Variants in MTBP observed in about 807,000 individuals in gnomAD.
MTBP encodes the protein mdm2-binding protein.
MTBP carries 101 observed loss-of-function variants against 117.0 expected under a neutral mutation model. The observed-to-expected ratio is 0.86, with a 90% CI of 0.73 to 1.02. MTBP has a LOEUF of 1.02. Among genes scored for constraint, MTBP ranks in the 50% least tolerant of loss-of-function variants. MTBP has a pLI of 0.00. For synonymous variants in MTBP, 350 were observed against 351.5 expected (o/e 1.00, Z 0.05); for missense variants, 970 against 1,030.9 (o/e 0.94, Z 0.81).
At chr8:120,482,866 A>AT (rs1476114741) in intron 11 of MTBP, among the ~76,000 whole-genome samples, 3 of 151,576 alleles carry the variant, frequency 2.0e-5, no homozygotes, top group Non-Finnish European at 4.4e-5. Context: ...CGCCCAGCTA[A>AT]TTTTTTGTAT....
At chr8:120,498,617 C>T (rs894732313) in intron 14 of MTBP, among the ~76,000 whole-genome samples, 1 of 152,142 alleles carries the variant, frequency 6.6e-6, no homozygotes, top group Non-Finnish European at 1.5e-5. Flanking sequence ...ATTGCTTAGG[C>T]AGTTGCCTAG....
chr8:120,487,553 T>C (rs529937798), intron 11 of MTBP, among the ~76,000 whole-genome samples: 4 of 152,240 alleles, frequency 2.6e-5, no homozygotes, highest in Non-Finnish European at 5.9e-5. Flanking sequence ...AGAAAGATTC[T>C]ACTTCTATTT....
chr8:120,503,081 A>T (rs2130603006), intron 15 of MTBP, among the ~76,000 whole-genome samples: 1 of 152,352 alleles, frequency 6.6e-6, no homozygotes, highest in East Asian at 1.9e-4. Flanking sequence ...AGTACATAGT[A>T]GGCCCTTAGT....
At position 120,497,570 on chromosome 8, in the gene MTBP, C is replaced by A; in HGVS notation, c.1609+16C>A. 1 of 1,352,654 alleles carries A rather than the reference C, an allele frequency of 7.4e-7. No homozygotes were observed. Among genetic ancestry groups the A allele is most frequent in the Non-Finnish European group, 9.9e-7 (1 of 1,005,110 alleles). The allele number at this position is 1,352,654 out of a possible 1,614,324, so 83.8% of individuals were successfully genotyped here. On this transcript the variant is annotated intron_variant, in intron 14 of 21. Coordinates refer to ENST00000305949, the MANE Select transcript of MTBP (RefSeq NM_022045.5). ...ATATTAAATGGTAAGTTTTTTATTA[C>A]TTTAAATTTTAGTTCGTGTGTGTGT...
At chr8:120,489,181 G>A (rs369513027) in intron 12 of MTBP, among the ~76,000 whole-genome samples, 1 of 151,888 alleles carries the variant, frequency 6.6e-6, no homozygotes, top group East Asian at 1.9e-4. Flanking sequence ...TGGGACTACA[G>A]GTGTGCACCA....
In MTBP at chr8:120,488,173, G is replaced by A; in HGVS notation, c.1180G>A (p.Val394Met). The change falls in exon 12 of 22, where the codon GTG (valine) becomes ATG (methionine). Residue 394 changes from valine to methionine, a missense_variant. By Grantham distance (21) the Val-to-Met change is conservative (BLOSUM62 1). Transcript: ENST00000305949. ...PKTISVPDVEVKGECSSYYLL... is the reference protein window; with the variant it reads ...PKTISVPDVEMKGECSSYYLL... The stretch of plus-strand genomic sequence containing the variant: ...TTTTTGTTTAGTTCCAGATGTTGAA[G>A]TGAAAGGAGAGTGTTCTAGCTATTA... 2 of 1,582,814 alleles carry A rather than the reference G, an allele frequency of 1.3e-6. No individual in the cohort carries two copies. Among genetic ancestry groups the A allele is most frequent in the African/African-American group, 1.4e-5 (1 of 73,180 alleles).
chr8:120,503,741 CTAAG>C (rs1419764001), intron 15 of MTBP, among the ~76,000 whole-genome samples: 5 of 151,988 alleles, frequency 3.3e-5, no homozygotes, highest in African/African-American at 4.8e-5. Context: ...TATCTGTAGG[CTAAG>C]TGAGAGATGA....
chr8:120,483,955 AT>A (rs1234763161), intron 11 of MTBP, among the ~76,000 whole-genome samples: 1 of 152,170 alleles, frequency 6.6e-6, no homozygotes, highest in Non-Finnish European at 1.5e-5. Context: ...CATAAAAGTT[AT>A]TTAATAAGTC....
At chr8:120,446,558 T>A (rs1214406604) in intron 2 of MTBP, 45 bp downstream of exon 2, 2 of 1,161,586 alleles carry the variant, frequency 1.7e-6, no homozygotes, top group African/African-American at 1.5e-5. Flanking sequence ...GCATTTGTAC[T>A]GGAAATTAAC....
intron 11 of MTBP, among the ~76,000 whole-genome samples, chr8:120,487,295 C>T (rs923135090): frequency 1.3e-4 from 20 of 152,100 alleles, no homozygotes; most frequent in African/African-American, 4.1e-4. Context: ...CTTGAGGACG[C>T]GTGTATAAAT....
intron 11 of MTBP, among the ~76,000 whole-genome samples, chr8:120,474,161 G>A (rs1022085061): frequency 6.6e-6 from 1 of 151,808 alleles, no homozygotes; most frequent in Non-Finnish European, 1.5e-5. Context: ...TTGGTAACTT[G>A]TGAATAATAA....
intron 7 of MTBP, among the ~76,000 whole-genome samples, chr8:120,457,890 G>A (rs537964179): frequency 2.7e-5 from 4 of 150,452 alleles, no homozygotes; most frequent in African/African-American, 9.7e-5. Flanking sequence ...AGGTTTCAGT[G>A]AGCTGAGATC....
At chr8:120,452,554 G>A (rs1459700646) in intron 4 of MTBP, 1 of 152,298 alleles carries the variant, frequency 6.6e-6, no homozygotes, top group Non-Finnish European at 1.5e-5. Context: ...AGTATAGCCA[G>A]GCACAGTGGC....
chr8:120,499,496 G>A (rs1378295859), intron 14 of MTBP, among the ~76,000 whole-genome samples: 1 of 152,042 alleles, frequency 6.6e-6, no homozygotes, highest in Non-Finnish European at 1.5e-5. Flanking sequence ...GACAGGCTAT[G>A]CATTTGAACA....
chr8:120,487,437 G>A, intron 11 of MTBP, among the ~76,000 whole-genome samples: 2 of 152,140 alleles, frequency 1.3e-5, no homozygotes, highest in East Asian at 3.8e-4. Flanking sequence ...CCAGATATTA[G>A]TTCTTGTAGA....
At chr8:120,510,072 A>T (rs760431777) in intron 17 of MTBP, 43 bp downstream of exon 17, 2 of 1,328,416 alleles carry the variant, frequency 1.5e-6, no homozygotes, top group South Asian at 1.3e-5. Flanking sequence ...TGTTGTTGAT[A>T]CAGCCTGTCT....
In MTBP at chr8:120,523,427, T is replaced by G. The variant is rs770033442; in HGVS notation, c.*91T>G. ...TAGTTTGAAAATTATAAACAAATTT[T>G]AAGCTTTATTCAAAGAATAGATGTT... is the stretch of plus-strand genomic sequence containing the variant. On this transcript the variant is annotated 3_prime_UTR_variant, in exon 22 of 22. Transcript: ENST00000305949. The G allele has an allele frequency of 9.2e-6, 7 of 757,252 alleles. No homozygotes were observed. Among genetic ancestry groups the G allele is most frequent in the Non-Finnish European group, 1.5e-5 (7 of 473,832 alleles). 46.9% of individuals were successfully genotyped at this position (757,252 alleles called of 1,614,324 possible).
At chr8:120,482,885 G>C (rs867741851) in intron 11 of MTBP, among the ~76,000 whole-genome samples, 1 of 151,848 alleles carries the variant, frequency 6.6e-6, no homozygotes, top group Non-Finnish European at 1.5e-5. Flanking sequence ...ATTTTTAGTA[G>C]AGATGGGGTT....
chr8:120,477,002 T>C (rs929523404), intron 11 of MTBP, among the ~76,000 whole-genome samples: 2 of 152,140 alleles, frequency 1.3e-5, no homozygotes, highest in African/African-American at 4.8e-5. Flanking sequence ...CTTCAAACTA[T>C]GCTACAAGAC....
Sources: gnomAD v4.1 joint callset for allele counts (sites outside exome capture counted in the v4.1 genomes callset) on GRCh38, gnomAD v4.1.1 for gene constraint, MANE v1.5 for transcripts, NCBI Gene and HGNC (gene_info 2026-07-23, HGNC 2026-07-21) for gene names.